Variants in GPR19 observed in about 807,000 individuals in gnomAD.
The protein encoded by GPR19 is G protein-coupled receptor 19, also known as probable G protein-coupled receptor 19.
Under a neutral mutation model 28.5 loss-of-function variants are expected in GPR19, and 14 were observed. That is an observed-to-expected ratio of 0.49 (90% CI 0.32 to 0.77). GPR19 has a LOEUF of 0.77. Among genes scored for constraint, GPR19 ranks in the 30% least tolerant of loss-of-function variants. The pLI is 0.03. For synonymous variants in GPR19, 173 were observed against 184.1 expected, an observed-to-expected ratio of 0.94 and a Z score of 0.49; for missense variants, 409 against 504.1, an observed-to-expected ratio of 0.81 and a Z score of 1.81.
chr12:12,673,547 A>G (rs1945884391), intron 3 of GPR19, among the ~76,000 whole-genome samples: 2 of 152,320 alleles, frequency 1.3e-5, no homozygotes, highest in South Asian at 4.1e-4. Flanking sequence ...TGTCTGAAAC[A>G]GGGTCTGGTT....
At chr12:12,667,696 GAAAA>G (rs3080708) in intron 3 of GPR19, among the ~76,000 whole-genome samples, 1 of 122,008 alleles carries the variant, frequency 8.2e-6, no homozygotes, top group African/African-American at 3.0e-5. Context: ...ATCTCAATTA[GAAAA>G]AAAAAAAAAA....
At chr12:12,702,369 G>A in the GPR19 span, among the ~76,000 whole-genome samples, 1 of 152,022 alleles carries the variant, frequency 6.6e-6, no homozygotes, top group Non-Finnish European at 1.5e-5. Context: ...GTTGGTATTT[G>A]ACTCACATCT....
At chr12:12,708,773 G>T in the GPR19 span, among the ~76,000 whole-genome samples, 1 of 152,214 alleles carries the variant, frequency 6.6e-6, no homozygotes, top group Non-Finnish European at 1.5e-5. Context: ...AAGTGGCTGG[G>T]CACGGTGGCT....
At chr12:12,684,594 T>C (rs1946068379) in intron 2 of GPR19, 87 bp from the exon 3 acceptor site, 1 of 152,186 alleles carries the variant, frequency 6.6e-6, no homozygotes, top group Non-Finnish European at 1.5e-5. Context: ...TGCCCCTCCC[T>C]TCTCCTTTCC....
chr12:12,662,083 G>T lies in GPR19; in HGVS notation c.366C>A (p.Val122=), dbSNP rs1267165929. ...LLISVASTPF[V]LLQFTTGRWT... is the part of the protein sequence containing the mutation. ...ACCTTCCAGTGGTGAACTGGAGCAG[G>T]ACGAAAGGCGTGCTGGCAACGCTGA... is the stretch of plus-strand genomic sequence containing the variant. Residue 122 remains valine, a synonymous_variant, in exon 4 of 4, where the codon GTC becomes GTA. Coordinates refer to ENST00000651487, the MANE Select transcript of GPR19 (RefSeq NM_006143.3). 1 of 1,614,238 alleles carries T rather than the reference G, an allele frequency of 6.2e-7. No homozygotes were observed. Among genetic ancestry groups the T allele is most frequent in the South Asian group, 1.1e-5 (1 of 91,086 alleles).
At chr12:12,713,509 G>GTCT in the GPR19 span, among the ~76,000 whole-genome samples, 1 of 152,036 alleles carries the variant, frequency 6.6e-6, no homozygotes. Flanking sequence ...GCTCTCTCAT[G>GTCT]TCTTCAGGGC....
upstream of GPR19, among the ~76,000 whole-genome samples, chr12:12,697,153 T>TAAAAAAAAAAAAA (rs386375639): frequency 5.9e-3 from 286 of 48,836 alleles, 61 homozygotes; most frequent in Non-Finnish European, 6.6e-3. Flanking sequence ...TGAAGCGAAG[T>TAAAAAAAAAAAAA]AAAAAAAAAA....
intron 3 of GPR19, chr12:12,668,883 T>C (rs1945818743): frequency 2.0e-5 from 3 of 152,202 alleles, no homozygotes; most frequent in Non-Finnish European, 4.4e-5. Context: ...TAGGTAAAAT[T>C]ACTGGCCTTG....
At chr12:12,680,646 G>A (rs947610055) in intron 3 of GPR19, among the ~76,000 whole-genome samples, 1 of 151,138 alleles carries the variant, frequency 6.6e-6, no homozygotes, top group Non-Finnish European at 1.5e-5. Context: ...ACCTGGGACC[G>A]CAGGTGTGTG....
chr12:12,710,649 G>T, the GPR19 span, among the ~76,000 whole-genome samples: 1 of 152,118 alleles, frequency 6.6e-6, no homozygotes, highest in African/African-American at 2.4e-5. Flanking sequence ...TGGTCCTTCT[G>T]TCTCAGCCCC....
chr12:12,690,951 C>A (rs1220812521), intron 2 of GPR19, among the ~76,000 whole-genome samples: 1 of 152,036 alleles, frequency 6.6e-6, no homozygotes, highest in Non-Finnish European at 1.5e-5. Flanking sequence ...TTTCTGCATT[C>A]GAGTCTTAAC....
chr12:12,666,157 C>T (rs773307018), intron 3 of GPR19, among the ~76,000 whole-genome samples: 2 of 152,060 alleles, frequency 1.3e-5, no homozygotes, highest in Non-Finnish European at 2.9e-5. Flanking sequence ...GCCCTTTTCC[C>T]CTCAGAAACA....
the GPR19 span, among the ~76,000 whole-genome samples, chr12:12,710,663 A>C: frequency 6.6e-6 from 1 of 152,132 alleles, no homozygotes; most frequent in East Asian, 1.9e-4. Context: ...CAGCCCCCCA[A>C]GTAGCTGGGA....
At chr12:12,686,600 C>T (rs1462822589) in intron 2 of GPR19, among the ~76,000 whole-genome samples, 1 of 152,112 alleles carries the variant, frequency 6.6e-6, no homozygotes, top group Non-Finnish European at 1.5e-5. Context: ...TCTGTTTTAC[C>T]GATGAAGAAA....
At chr12:12,703,881 G>C in the GPR19 span, among the ~76,000 whole-genome samples, 2 of 152,046 alleles carry the variant, frequency 1.3e-5, no homozygotes, top group Admixed American at 6.6e-5. Context: ...ATATCTACTG[G>C]GTGCTAATTA....
intron 3 of GPR19, among the ~76,000 whole-genome samples, chr12:12,682,181 A>G (rs187013106): frequency 6.6e-6 from 1 of 152,346 alleles, no homozygotes; most frequent in African/African-American, 2.4e-5. Flanking sequence ...CCATTTAGAT[A>G]TGAATGAAAA....
intron 3 of GPR19, among the ~76,000 whole-genome samples, chr12:12,674,274 CAAAAAA>C (rs11423009): frequency 1.9e-5 from 2 of 103,884 alleles, no homozygotes; most frequent in African/African-American, 3.7e-5. Context: ...CTATCTCTAC[CAAAAAA>C]AAAAAAAAAA....
intron 2 of GPR19, among the ~76,000 whole-genome samples, chr12:12,689,917 C>G (rs920217449): frequency 6.6e-6 from 1 of 152,194 alleles, no homozygotes; most frequent in Non-Finnish European, 1.5e-5. Flanking sequence ...TCTCACCAAC[C>G]AGCACCAACT....
At chr12:12,694,916 C>A (rs975224625) in intron 2 of GPR19, among the ~76,000 whole-genome samples, 6 of 152,226 alleles carry the variant, frequency 3.9e-5, no homozygotes, top group Non-Finnish European at 2.9e-5. Flanking sequence ...ACATACAGCG[C>A]AGCTGCCAGG....
Sources: gnomAD v4.1 joint callset for allele counts (sites outside exome capture counted in the v4.1 genomes callset) on GRCh38, gnomAD v4.1.1 for gene constraint, MANE v1.5 for transcripts, NCBI Gene and HGNC (gene_info 2026-07-23, HGNC 2026-07-21) for gene names.